The following CLSTN2 variants were observed in gnomAD, a reference collection of about 807,000 sequenced individuals.
CLSTN2 encodes the protein calsyntenin 2, also known as calsyntenin-2.
Under a neutral mutation model 101.2 loss-of-function variants are expected in CLSTN2, and 48 were observed. The ratio of observed to expected loss-of-function variants is 0.47; its 90% CI spans 0.38 to 0.60. CLSTN2 has a LOEUF of 0.60. Ranked by LOEUF, CLSTN2 falls within the 20% of genes least tolerant of loss-of-function variation. The pLI is 0.00. For missense variants in CLSTN2, 1,160 were observed against 1,238.2 expected, an observed-to-expected ratio of 0.94 and a Z score of 0.95; for synonymous variants, 481 against 463.6, an observed-to-expected ratio of 1.04 and a Z score of -0.48.
At chr3:140,351,854 A>G (rs1330095762) in intron 2 of CLSTN2, among the ~76,000 whole-genome samples, 1 of 151,998 alleles carries the variant, frequency 6.6e-6, no homozygotes, top group African/African-American at 2.4e-5. Flanking sequence ...GCATTGATGC[A>G]TAAACTCACA....
chr3:140,312,079 G>A (rs923550523), intron 2 of CLSTN2, among the ~76,000 whole-genome samples: 2 of 152,172 alleles, frequency 1.3e-5, no homozygotes, highest in East Asian at 3.9e-4. Flanking sequence ...GCAGTATAGG[G>A]ATATCTTCCC....
chr3:140,427,248 T>TAC (rs1559866828), intron 5 of CLSTN2, among the ~76,000 whole-genome samples: 2 of 136,102 alleles, frequency 1.5e-5, no homozygotes, highest in African/African-American at 5.6e-5. Flanking sequence ...TATATATACA[T>TAC]ATATATATAC....
chr3:140,028,504 G>A (rs2007469994), intron 1 of CLSTN2, among the ~76,000 whole-genome samples: 1 of 152,116 alleles, frequency 6.6e-6, no homozygotes, highest in Non-Finnish European at 1.5e-5. Context: ...CCCATGTTAG[G>A]ATACAGATAC....
rs61248635 is a variant in CLSTN2, at chr3:140,264,375, A to AATAT, written c.232+88352_232+88355dup. Among the ~76,000 whole-genome samples, 430 of 98,084 alleles carry AATAT rather than the reference A, an allele frequency of 4.4e-3. 1 individual carries two copies. Among genetic ancestry groups the AATAT allele is most frequent in the Middle Eastern group, 7.7e-3 (1 of 130 alleles). The allele number at this position is 98,084 out of a possible 152,430, so 64.3% of individuals were successfully genotyped here. Reference sequence around the variant, plus strand: ...CTGTGAGTTCAAGGTTAATGAATCAAATATATATATATATATATATATATA... The same window carrying AATAT: ...CTGTGAGTTCAAGGTTAATGAATCAAATATATATATATATATATATATATATATA... On this transcript the variant is annotated intron_variant, in intron 2 of 16. Transcript: ENST00000458420.
At chr3:140,306,729 C>A (rs1441500063) in intron 2 of CLSTN2, among the ~76,000 whole-genome samples, 1 of 152,158 alleles carries the variant, frequency 6.6e-6, no homozygotes, top group Non-Finnish European at 1.5e-5. Context: ...TCAGCACCCA[C>A]ATCATGTGGC....
chr3:140,450,286 T>C (rs1459567366), intron 6 of CLSTN2, among the ~76,000 whole-genome samples: 2 of 152,232 alleles, frequency 1.3e-5, no homozygotes, highest in Admixed American at 1.3e-4. Flanking sequence ...ATGGGCATTT[T>C]AGCTCAGTAT....
At chr3:140,288,071 C>T (rs57367226) in intron 2 of CLSTN2, among the ~76,000 whole-genome samples, 2,100 of 148,054 alleles carry the variant, frequency 0.014, 45 homozygotes, top group African/African-American at 0.048. Flanking sequence ...TGATTTCCTT[C>T]TTGATAGATG....
intron 1 of CLSTN2, among the ~76,000 whole-genome samples, chr3:139,996,512 A>G (rs138482470): frequency 0.044 from 6,622 of 152,170 alleles, 158 homozygotes; most frequent in Non-Finnish European, 0.051. Flanking sequence ...TCAGCCTCCC[A>G]AGTAGCCGGG....
intron 1 of CLSTN2, among the ~76,000 whole-genome samples, chr3:139,976,135 T>C (rs147361585): frequency 6.6e-5 from 10 of 152,316 alleles, no homozygotes; most frequent in African/African-American, 2.2e-4. Context: ...CCAAATGTTT[T>C]TGCAGAGTAG....
chr3:140,011,160 C>T (rs1427379021), intron 1 of CLSTN2, among the ~76,000 whole-genome samples: 3 of 152,202 alleles, frequency 2.0e-5, no homozygotes, highest in East Asian at 3.9e-4. Flanking sequence ...TGAGCTTGAG[C>T]CATGGTGCTG....
intron 2 of CLSTN2, among the ~76,000 whole-genome samples, chr3:140,233,948 T>A (rs1335810028): frequency 2.0e-5 from 3 of 152,230 alleles, no homozygotes; most frequent in Non-Finnish European, 4.4e-5. Context: ...TGTTTATGAC[T>A]TTTCTCACGC....
At chr3:140,453,552 G>A (rs1001481341) in intron 6 of CLSTN2, among the ~76,000 whole-genome samples, 7 of 152,120 alleles carry the variant, frequency 4.6e-5, no homozygotes, top group Non-Finnish European at 7.4e-5. Context: ...TTACACAGTA[G>A]GGCAACTATA....
In CLSTN2 at chr3:140,403,783, T is replaced by C. The variant is rs1037916848; in HGVS notation, c.387T>C (p.Cys129=). 5 of 1,613,936 alleles carry C rather than the reference T, an allele frequency of 3.1e-6. No individual in the cohort carries two copies. The highest frequency in any genetic ancestry group is 1.3e-5 in the African/African-American group (1 of 74,920). ...CATTCATCATCCAGGCCTATGACTG[T>C]GGTGCTGGGCCCCACGAGACAGCCT... ...EYTFIIQAYD[C]GAGPHETAWK... Residue 129 remains cysteine (C), a synonymous_variant, in exon 3 of 17, where the codon TGT becomes TGC. Coordinates refer to ENST00000458420, the MANE Select transcript of CLSTN2 (RefSeq NM_022131.3).
At chr3:140,447,178 T>C (rs1344842178) in intron 5 of CLSTN2, among the ~76,000 whole-genome samples, 2 of 152,216 alleles carry the variant, frequency 1.3e-5, no homozygotes, top group Non-Finnish European at 2.9e-5. Context: ...ACTTTATAGA[T>C]TTTTATTTCT....
At chr3:140,099,361 T>C (rs1485997179) in intron 1 of CLSTN2, among the ~76,000 whole-genome samples, 2 of 152,144 alleles carry the variant, frequency 1.3e-5, no homozygotes, top group Non-Finnish European at 2.9e-5. Flanking sequence ...CCTTGGCTTG[T>C]GGCTGCATTG....
chr3:139,985,404 C>T (rs973907996), intron 1 of CLSTN2, among the ~76,000 whole-genome samples: 2 of 152,092 alleles, frequency 1.3e-5, no homozygotes, highest in Non-Finnish European at 2.9e-5. Flanking sequence ...TTTGTTCCCT[C>T]GCAAAACCTC....
At chr3:140,241,910 T>G (rs556043732) in intron 2 of CLSTN2, among the ~76,000 whole-genome samples, 1 of 139,202 alleles carries the variant, frequency 7.2e-6, no homozygotes, top group Non-Finnish European at 1.5e-5. Context: ...CACACATATA[T>G]ATATATATAT....
intron 2 of CLSTN2, among the ~76,000 whole-genome samples, chr3:140,275,955 G>A (rs375284835): frequency 6.6e-6 from 1 of 152,284 alleles, no homozygotes; most frequent in Admixed American, 6.5e-5. Flanking sequence ...AGGGGCATAG[G>A]GTGAACACAG....
At chr3:140,243,855 T>C (rs2086491567) in intron 2 of CLSTN2, among the ~76,000 whole-genome samples, 1 of 152,200 alleles carries the variant, frequency 6.6e-6, no homozygotes. Context: ...TTTATCTCCC[T>C]GAATGGCGCA....
Sources: gnomAD v4.1 joint callset for allele counts (sites outside exome capture counted in the v4.1 genomes callset) on GRCh38, gnomAD v4.1.1 for gene constraint, MANE v1.5 for transcripts, NCBI Gene and HGNC (gene_info 2026-07-23, HGNC 2026-07-21) for gene names.